SMIM14: variants seen among roughly 807,000 people sequenced by gnomAD.
SMIM14 encodes the protein chromosome 4 open reading frame 34.
A neutral mutation model predicts 12.6 loss-of-function variants in SMIM14; 5 were observed. The ratio of observed to expected loss-of-function variants is 0.40; its 90% CI spans 0.21 to 0.83. The LOEUF (loss-of-function observed/expected upper bound fraction) is 0.83. Ranked by LOEUF, SMIM14 falls within the 40% of genes least tolerant of loss-of-function variation. The probability of loss-of-function intolerance (pLI) is 0.37; values close to 1 mark genes in which losing one functional copy is unlikely to be tolerated. For missense variants in SMIM14, 86 were observed against 119.1 expected (o/e 0.72, Z 1.29); for synonymous variants, 30 against 40.1 (o/e 0.75, Z 0.95).
At position 39,547,473 on chromosome 4, in the gene SMIM14, A is replaced by ACTT. The variant is rs879803808; in HGVS notation, c.*4650_*4652dup. 6.6e-6 allele frequency: 1 copy of ACTT among 152,234 alleles called. No individual in the cohort carries two copies. Among genetic ancestry groups the ACTT allele is most frequent in the Non-Finnish European group, 1.5e-5 (1 of 68,046 alleles). The allele number at this position is 152,234 out of a possible 1,614,324, so 9.4% of individuals were successfully genotyped here. ...TTAACATTTAGCATATCACACGACC[A>ACTT]CTTTTGCTTTTAACAAACTAATCTT... On this transcript the variant is annotated 3_prime_UTR_variant, in exon 5 of 5. Transcript: ENST00000295958.
intron 1 of SMIM14, among the ~76,000 whole-genome samples, chr4:39,615,503 C>A (rs974035537): frequency 1.3e-4 from 20 of 152,008 alleles, no homozygotes; most frequent in Admixed American, 1.0e-3. Context: ...CAAGAGTGAA[C>A]CCTAATGTAA....
intron 1 of SMIM14, among the ~76,000 whole-genome samples, chr4:39,637,334 C>T (rs1026372736): frequency 6.6e-6 from 1 of 152,096 alleles, no homozygotes; most frequent in African/African-American, 2.4e-5. Flanking sequence ...GAAATCTTTC[C>T]TTCTTCTAAA....
intron 1 of SMIM14, among the ~76,000 whole-genome samples, chr4:39,619,868 ATATATATATT>A (rs1560307355): frequency 1.3e-5 from 1 of 78,602 alleles, no homozygotes; most frequent in African/African-American, 5.3e-5. Flanking sequence ...ATTTATATAT[ATATATATATT>A]TTTTTTTTTT....
chr4:39,606,639 CAAAAAAAA>C (rs71192881), intron 1 of SMIM14, among the ~76,000 whole-genome samples: 1 of 126,060 alleles, frequency 7.9e-6, no homozygotes, highest in Non-Finnish European at 1.7e-5. Flanking sequence ...GACTCCGTCT[CAAAAAAAA>C]AAAAAAAAAA....
chr4:39,587,217 C>A (rs1235310203), intron 2 of SMIM14, among the ~76,000 whole-genome samples: 1 of 151,752 alleles, frequency 6.6e-6, no homozygotes, highest in Non-Finnish European at 1.5e-5. Context: ...CTAGAAGGAG[C>A]CAGGCACGGT....
At chr4:39,628,943 G>A (rs1715807463) in intron 1 of SMIM14, among the ~76,000 whole-genome samples, 3 of 151,082 alleles carry the variant, frequency 2.0e-5, no homozygotes, top group Non-Finnish European at 4.4e-5. Context: ...ATGTTGGACA[G>A]GCTGGTCTCG....
intron 2 of SMIM14, among the ~76,000 whole-genome samples, chr4:39,585,751 C>T (rs905805527): frequency 6.6e-6 from 1 of 151,906 alleles, no homozygotes; most frequent in African/African-American, 2.4e-5. Flanking sequence ...CTGCAAGGCT[C>T]CAGGTAGCAC....
chr4:39,619,676 T>C (rs1177925688), intron 1 of SMIM14, among the ~76,000 whole-genome samples: 3 of 121,198 alleles, frequency 2.5e-5, no homozygotes, highest in Non-Finnish European at 4.8e-5. Context: ...ATAAATATAA[T>C]TTATTCTATA....
intron 2 of SMIM14, among the ~76,000 whole-genome samples, chr4:39,602,920 T>G (rs1714671084): frequency 6.6e-6 from 1 of 152,176 alleles, no homozygotes; most frequent in Non-Finnish European, 1.5e-5. Context: ...TGAGCAAATG[T>G]TTGTACGTAC....
chr4:39,618,586 G>T (rs1407635382), intron 1 of SMIM14, among the ~76,000 whole-genome samples: 2 of 138,900 alleles, frequency 1.4e-5, no homozygotes, highest in African/African-American at 5.3e-5. Flanking sequence ...GGAGGCAGAG[G>T]TTGCAGTGAA....
In SMIM14 at chr4:39,586,815, A is replaced by G. The variant is rs143255920; in HGVS notation, c.76-14352T>C. ...ACAAATACTATGGGCCAGGTAGCTT[A>G]CATACAAACATTTATTTCTGACAAC... On this transcript the variant is annotated intron_variant, in intron 2 of 4. Coordinates refer to ENST00000295958, the MANE Select transcript of SMIM14 (RefSeq NM_174921.3). 5.3e-3 allele frequency among the ~76,000 whole-genome samples: 800 copies of G among 152,188 alleles called. 18 individuals are homozygous for G. Among genetic ancestry groups the G allele is most frequent in the African/African-American group, 0.018 (737 of 41,450 alleles).
At chr4:39,575,961 T>G (rs1254083036) in intron 2 of SMIM14, among the ~76,000 whole-genome samples, 1 of 150,636 alleles carries the variant, frequency 6.6e-6, no homozygotes, top group Non-Finnish European at 1.5e-5. Context: ...TGGCATGATC[T>G]CAGCTCACTG....
At chr4:39,583,932 C>T (rs533490725) in intron 2 of SMIM14, 9 of 152,202 alleles carry the variant, frequency 5.9e-5, no homozygotes, top group African/African-American at 2.2e-4. Context: ...CATTCTTACA[C>T]ACCTGATTAA....
In SMIM14 at chr4:39,546,640, C is replaced by T. The variant is rs1747358450; in HGVS notation, c.*5486G>A. 1 of 152,224 alleles carries T rather than the reference C, an allele frequency of 6.6e-6. No individual in the cohort carries two copies. The highest frequency in any genetic ancestry group is 1.5e-5 in the Non-Finnish European group (1 of 68,040). The allele number at this position is 152,224 out of a possible 1,614,324, so 9.4% of individuals were successfully genotyped here. A position where few individuals can be genotyped will look rare whatever the true frequency, so the allele number is the denominator to read the frequency against. On this transcript the variant is annotated 3_prime_UTR_variant, in exon 5 of 5. Transcript: ENST00000295958. ...AAGAAAACTAGTATTGCAGCAGAGT[C>T]ATTTAATGAAAACTTAACAGTTTCA...
Position 39,556,498 on chromosome 4 carries a change from A to G in SMIM14, c.197T>C (p.Ile66Thr). 1 of 1,614,026 alleles carries G rather than the reference A, an allele frequency of 6.2e-7. No homozygotes were observed. Among genetic ancestry groups the G allele is most frequent in the Non-Finnish European group, 8.5e-7 (1 of 1,179,988 alleles). The change falls in exon 4 of 5, where the codon ATC (isoleucine) becomes ACC (threonine). Residue 66 changes from isoleucine (I) to threonine (T), a missense_variant. By Grantham distance (89) the Ile-to-Thr change is moderately conservative. Coordinates refer to ENST00000295958, the MANE Select transcript of SMIM14 (RefSeq NM_174921.3). ...ATTAGGAGGTCTCAGTAAGAACAAGATCAATGCAATAACCATCCAGGCTAC... is the reference window on the plus strand; with the variant it reads ...ATTAGGAGGTCTCAGTAAGAACAAGGTCAATGCAATAACCATCCAGGCTAC... Reference protein sequence around the residue: ...ILVAWMVIALILFLLRPPNLR... With the variant: ...ILVAWMVIALTLFLLRPPNLR...
At chr4:39,572,818 T>A (rs1712969887) in intron 2 of SMIM14, among the ~76,000 whole-genome samples, 1 of 151,482 alleles carries the variant, frequency 6.6e-6, no homozygotes, top group African/African-American at 2.4e-5. Flanking sequence ...CGAGACCTTG[T>A]CTTAAAAAAA....
chr4:39,603,123 T>C (rs969976214), intron 2 of SMIM14, among the ~76,000 whole-genome samples: 3 of 152,098 alleles, frequency 2.0e-5, no homozygotes, highest in Non-Finnish European at 2.9e-5. Flanking sequence ...AATGCAAATA[T>C]TCCAAAATGC....
intron 1 of SMIM14, among the ~76,000 whole-genome samples, chr4:39,637,142 CA>C (rs1209873234): frequency 1.3e-5 from 2 of 151,922 alleles, no homozygotes; most frequent in Non-Finnish European, 2.9e-5. Flanking sequence ...TATATAAATG[CA>C]AAAAAGTAGT....
At chr4:39,598,680 G>T (rs1282584785) in intron 2 of SMIM14, among the ~76,000 whole-genome samples, 2 of 152,070 alleles carry the variant, frequency 1.3e-5, no homozygotes, top group African/African-American at 4.8e-5. Flanking sequence ...TTTCTTTTCT[G>T]TACTACTTAA....
Sources: allele counts gnomAD v4.1 joint callset (sites outside exome capture counted in the v4.1 genomes callset), GRCh38; gene constraint gnomAD v4.1.1; transcripts MANE v1.5; gene names NCBI Gene and HGNC (gene_info 2026-07-23, HGNC 2026-07-21).